Variants in LY75 observed in about 807,000 individuals in gnomAD.
The protein encoded by LY75 is C-type lectin domain family 13 member B.
LY75 carries 185 observed loss-of-function variants against 231.7 expected under a neutral mutation model. That is an observed-to-expected ratio of 0.80 (90% CI 0.71 to 0.90). LY75 has a LOEUF of 0.90. LY75 is among the 40% of genes least tolerant of loss of function. LY75 has a pLI of 0.00. For synonymous variants in LY75, 668 were observed against 689.0 expected (o/e 0.97, Z 0.48); for missense variants, 1,947 against 2,050.2 (o/e 0.95, Z 0.97).
At chr2:159,850,494 T>A in intron 21 of LY75, 27 bp from the exon 22 acceptor site, 2 of 1,612,204 alleles carry the variant, frequency 1.2e-6, no homozygotes, top group East Asian at 4.5e-5. Flanking sequence ...ATGTGAAGCA[T>A]GAGATTCCAG....
At chr2:159,833,145 T>C (rs2125842185) in intron 27 of LY75, among the ~76,000 whole-genome samples, 1 of 151,662 alleles carries the variant, frequency 6.6e-6, no homozygotes, top group Middle Eastern at 3.4e-3. Context: ...TTTTTTTTTT[T>C]TGGAGATAGG....
chr2:159,842,325 T>C lies in LY75; in HGVS notation c.3200A>G (p.Gln1067Arg). 6.2e-7 allele frequency: 1 copy of C among 1,612,884 alleles called. No individual in the cohort carries two copies. Among genetic ancestry groups the C allele is most frequent in the South Asian group, 1.1e-5 (1 of 91,086 alleles). The change falls in exon 24 of 35, where the codon CAA becomes CGA. Residue 1067 changes from glutamine (Q) to arginine (R), a missense_variant. Coordinates refer to ENST00000263636, the MANE Select transcript of LY75 (RefSeq NM_002349.4). ...RYHCALILNL[Q>R]KSPFTGTWNF... Reference sequence around the variant, plus strand: ...CCACGTCCCAGTAAACGGTGATTTTTGGAGGTTGAGTATTAGGGCACAGTG... The same window carrying C: ...CCACGTCCCAGTAAACGGTGATTTTCGGAGGTTGAGTATTAGGGCACAGTG...
intron 11 of LY75, 30 bp downstream of exon 11, chr2:159,878,294 T>C (rs1466630592): frequency 3.7e-6 from 6 of 1,608,878 alleles, no homozygotes; most frequent in Non-Finnish European, 4.2e-6. Context: ...AGTCACAGTA[T>C]ACTACTACTT....
At chr2:159,868,865 G>A (rs940150566) in intron 13 of LY75, among the ~76,000 whole-genome samples, 1 of 152,080 alleles carries the variant, frequency 6.6e-6, no homozygotes, top group African/African-American at 2.4e-5. Flanking sequence ...TGAAATCTAA[G>A]GGCCATTAAG....
intron 6 of LY75, among the ~76,000 whole-genome samples, chr2:159,884,928 C>T (rs146872027): frequency 5.3e-5 from 8 of 151,926 alleles, no homozygotes; most frequent in Non-Finnish European, 7.4e-5. Flanking sequence ...TTCTTCTGGG[C>T]GCATACATAT....
intron 29 of LY75, among the ~76,000 whole-genome samples, chr2:159,818,944 G>C (rs930480862): frequency 1.9e-4 from 29 of 152,218 alleles, no homozygotes; most frequent in African/African-American, 7.0e-4. Context: ...TGCTGAGCAA[G>C]AATGGGGAAA....
At position 159,883,139 on chromosome 2, in the gene LY75, G is replaced by C. The variant is rs1448378258; in HGVS notation, c.1055-824C>G. Among the ~76,000 whole-genome samples the C allele has an allele frequency of 1.7e-4, 22 of 129,946 alleles. No individual in the cohort carries two copies. The Admixed American group carries it at 1.7e-3, about 10-fold the overall frequency. The allele number at this position is 129,946 out of a possible 152,430, so 85.2% of individuals were successfully genotyped here. On this transcript the variant is annotated intron_variant, in intron 6 of 34. Coordinates refer to ENST00000263636, the MANE Select transcript of LY75 (RefSeq NM_002349.4). ...GGGGACTGTTGTGGGGTGGGGGGAG[G>C]GGGAGGGGGGAGGGATAGCATTGGG...
chr2:159,900,898 G>A (rs193113469), intron 1 of LY75, among the ~76,000 whole-genome samples: 2 of 152,140 alleles, frequency 1.3e-5, no homozygotes, highest in East Asian at 3.9e-4. Flanking sequence ...GAGTGCAGTG[G>A]CACAATCTCA....
chr2:159,819,784 A>G lies in LY75; in HGVS notation c.4095T>C (p.Val1365=), dbSNP rs764451107. The G allele has an allele frequency of 6.2e-7, 1 of 1,613,510 alleles. No homozygotes were observed. Among genetic ancestry groups the G allele is most frequent in the South Asian group, 1.1e-5 (1 of 90,878 alleles). ...GGTGAAAATAAACTGCTTCTTCAAT[A>G]ACTTTAAAGGTTTGAATATCCCAGA... is the stretch of plus-strand genomic sequence containing the variant. The part of the protein sequence containing the change: ...DGFWDIQTFK[V]IEEAVYFHQH... Residue 1365 remains valine (V), a synonymous_variant, in exon 29 of 35, where the codon GTT becomes GTC. Coordinates refer to ENST00000263636, the MANE Select transcript of LY75 (RefSeq NM_002349.4).
chr2:159,806,914 G>C, intron 34 of LY75, 59 bp downstream of exon 34: 1 of 1,537,768 alleles, frequency 6.5e-7, no homozygotes, highest in Non-Finnish European at 8.7e-7. Context: ...TAATTGGATT[G>C]TACATTTATT....
chr2:159,884,107 C>T (rs1039928690), intron 6 of LY75, among the ~76,000 whole-genome samples: 9 of 152,120 alleles, frequency 5.9e-5, no homozygotes, highest in Admixed American at 3.9e-4. Context: ...TTTTATAAGG[C>T]GGAGTTTTCC....
chr2:159,852,017 C>T (rs1340523215), intron 21 of LY75, among the ~76,000 whole-genome samples, 184 bp downstream of exon 21: 1 of 152,178 alleles, frequency 6.6e-6, no homozygotes, highest in Non-Finnish European at 1.5e-5. Flanking sequence ...TAGGCATGAC[C>T]AACTTGAGAG....
At chr2:159,813,407 C>T (rs1203749078) in intron 31 of LY75, among the ~76,000 whole-genome samples, 2 of 149,338 alleles carry the variant, frequency 1.3e-5, no homozygotes, top group Non-Finnish European at 3.0e-5. Context: ...ATAATAAATT[C>T]CACAAAATTG....
chr2:159,821,471 C>G (rs1046868130), intron 28 of LY75, among the ~76,000 whole-genome samples: 2 of 151,748 alleles, frequency 1.3e-5, no homozygotes, highest in Admixed American at 6.6e-5. Flanking sequence ...CAAAAATTAG[C>G]TGGGCGTGGT....
intron 1 of LY75, among the ~76,000 whole-genome samples, chr2:159,900,948 C>T (rs1464556616): frequency 1.3e-5 from 2 of 152,068 alleles, no homozygotes; most frequent in Non-Finnish European, 2.9e-5. Context: ...AAGTGATTCT[C>T]ATGCCCCAGC....
At chr2:159,903,686 G>A (rs1574608706) in intron 1 of LY75, 1 of 152,210 alleles carries the variant, frequency 6.6e-6, no homozygotes, top group Non-Finnish European at 1.5e-5. Context: ...ATACAGGCAC[G>A]ATAACAGAAG....
intron 31 of LY75, 54 bp downstream of exon 31, chr2:159,815,351 C>A (rs1683093285): frequency 1.3e-6 from 2 of 1,529,202 alleles, no homozygotes; most frequent in Admixed American, 2.3e-5. Flanking sequence ...TAATTATGTG[C>A]ATAAATTATG....
rs558834512 is a variant in LY75, at chr2:159,819,101, G to A, written c.4153+625C>T. 3.5e-4 allele frequency among the ~76,000 whole-genome samples: 54 copies of A among 152,276 alleles called. No homozygotes were observed. In the South Asian group the frequency reaches 8.9e-3, roughly 25 times the overall value. On this transcript the variant is annotated intron_variant, in intron 29 of 34. Transcript: ENST00000263636. ...CACGGTCTTGGGAAGTGACTGCGGCGCTGTAAGTGAGCCAACTAGCCAGCA... is the reference window on the plus strand; with the variant it reads ...CACGGTCTTGGGAAGTGACTGCGGCACTGTAAGTGAGCCAACTAGCCAGCA...
intron 34 of LY75, among the ~76,000 whole-genome samples, chr2:159,805,449 C>T (rs563183872): frequency 1.6e-4 from 24 of 152,286 alleles, no homozygotes; most frequent in Admixed American, 2.6e-4. Context: ...TCATTCAAAT[C>T]CTCTTCATTG....
Sources: gnomAD v4.1 joint callset for allele counts (sites outside exome capture counted in the v4.1 genomes callset) on GRCh38, gnomAD v4.1.1 for gene constraint, MANE v1.5 for transcripts, NCBI Gene and HGNC (gene_info 2026-07-23, HGNC 2026-07-21) for gene names.